Variants in NEXMIF observed in about 807,000 individuals in gnomAD.
NEXMIF encodes neurite extension and migration factor, also known as XLMR protein related to neurite extension.
A neutral mutation model predicts 62.1 loss-of-function variants in NEXMIF; 8 were observed. The ratio of observed to expected loss-of-function variants is 0.13; its 90% CI spans 0.08 to 0.23. The LOEUF is 0.23. NEXMIF is among the 10% of genes least tolerant of loss of function. The probability of loss-of-function intolerance (pLI) is 1.00; values close to 1 mark genes in which losing one functional copy is unlikely to be tolerated. For synonymous variants in NEXMIF, 404 were observed against 416.6 expected, an observed-to-expected ratio of 0.97 and a Z score of 0.37; for missense variants, 976 against 1,113.3, an observed-to-expected ratio of 0.88 and a Z score of 1.75.
intron 1 of NEXMIF, among the ~76,000 whole-genome samples, chrX:74,753,514 T>C (rs1355586008): frequency 8.9e-6 from 1 of 112,035 alleles, no homozygotes; most frequent in Non-Finnish European, 1.9e-5. Flanking sequence ...AACTTTTTGT[T>C]TGTCTTTATT....
intron 1 of NEXMIF, among the ~76,000 whole-genome samples, chrX:74,900,119 T>C (rs1438992746): frequency 9.0e-6 from 1 of 111,197 alleles, no homozygotes; most frequent in Non-Finnish European, 1.9e-5. Flanking sequence ...TAGGGAAATG[T>C]ACATCAAAAC....
At chrX:74,912,568 A>G (rs1235961857) in intron 1 of NEXMIF, among the ~76,000 whole-genome samples, 1 of 111,335 alleles carries the variant, frequency 9.0e-6, no homozygotes, top group Non-Finnish European at 1.9e-5. Flanking sequence ...CTCTGTGCCC[A>G]TATTTCTCTA....
chrX:74,745,661 T>A lies in NEXMIF; in HGVS notation c.-11A>T, dbSNP rs1000887020. On this transcript the variant is annotated 5_prime_UTR_variant, in exon 2 of 4. Transcript: ENST00000055682. ...TTGTTGGTTATCCATGAATATAACCTCTTATTGTTTCATTCCAAGTCCAAA... is the reference window on the plus strand; with the variant it reads ...TTGTTGGTTATCCATGAATATAACCACTTATTGTTTCATTCCAAGTCCAAA... The A allele has an allele frequency of 9.2e-7, 1 of 1,084,284 alleles. No homozygotes were observed. The highest frequency in any genetic ancestry group is 1.3e-6 in the Non-Finnish European group (1 of 779,679). The allele number at this position is 1,084,284 out of a possible 1,213,427, so 89.4% of individuals were successfully genotyped here. A position where few individuals can be genotyped will look rare whatever the true frequency, so the allele number is the denominator to read the frequency against.
chrX:74,739,317 T>C lies in NEXMIF; in HGVS notation c.*88A>G, dbSNP rs1217670812. On this transcript the variant is annotated 3_prime_UTR_variant, in exon 4 of 4. Transcript: ENST00000055682. ...ATTAAAGTTTGCTCCAAAGACGTAT[T>C]CCCACAATTTAAAATTCTTTTCTTT... The C allele has an allele frequency of 6.7e-6, 4 of 594,593 alleles. No individual in the cohort carries two copies. The African/African-American group carries it at 9.6e-5, about 14-fold the overall frequency. 49.0% of individuals were successfully genotyped at this position (594,593 alleles called of 1,213,427 possible).
At chrX:74,907,008 C>T (rs921330959) in intron 1 of NEXMIF, among the ~76,000 whole-genome samples, 1 of 111,476 alleles carries the variant, frequency 9.0e-6, no homozygotes, top group Non-Finnish European at 1.9e-5. Flanking sequence ...TTTTTCAGGG[C>T]ACCTTATAAT....
At chrX:74,753,715 GCA>G (rs199783383) in intron 1 of NEXMIF, among the ~76,000 whole-genome samples, 2,817 of 99,850 alleles carry the variant, frequency 0.028, 99 homozygotes, top group African/African-American at 0.094. Context: ...ACACACACAC[GCA>G]CACACACACA....
At chrX:74,862,097 T>C (rs2080559679) in intron 1 of NEXMIF, among the ~76,000 whole-genome samples, 1 of 110,891 alleles carries the variant, frequency 9.0e-6, no homozygotes. Flanking sequence ...AAGAGACCCA[T>C]CTCACGTGCA....
intron 1 of NEXMIF, among the ~76,000 whole-genome samples, chrX:74,796,256 T>TATATATATTATATATATAC (rs2080311020): frequency 8.6e-5 from 2 of 23,187 alleles, no homozygotes; most frequent in Non-Finnish European, 1.5e-4. Flanking sequence ...ACATATATAT[T>TATATATATTATATATATAC]ATATATATTA....
At chrX:74,921,137 G>A (rs1349208008) in intron 1 of NEXMIF, among the ~76,000 whole-genome samples, 1 of 111,441 alleles carries the variant, frequency 9.0e-6, no homozygotes, top group African/African-American at 3.3e-5. Flanking sequence ...AAGATGGTAG[G>A]GAAAGAAATC....
intron 1 of NEXMIF, among the ~76,000 whole-genome samples, chrX:74,878,621 C>T (rs1382688163): frequency 8.9e-6 from 1 of 112,794 alleles, no homozygotes; most frequent in Non-Finnish European, 1.9e-5. Context: ...TCTCAGACTG[C>T]AGTGCTCGCA....
intron 1 of NEXMIF, among the ~76,000 whole-genome samples, chrX:74,847,717 A>G (rs2080497106): frequency 8.9e-6 from 1 of 111,760 alleles, no homozygotes; most frequent in Non-Finnish European, 1.9e-5. Context: ...TGGCAAGGAC[A>G]TTTTCAAGTG....
At chrX:74,789,836 T>C (rs1227398984) in intron 1 of NEXMIF, among the ~76,000 whole-genome samples, 4 of 108,218 alleles carry the variant, frequency 3.7e-5, no homozygotes, top group Admixed American at 1.0e-4. Context: ...GTTTTTTCCT[T>C]GTAAATTTGT....
At chrX:74,792,921 CTT>C (rs1368650531) in intron 1 of NEXMIF, among the ~76,000 whole-genome samples, 1 of 105,897 alleles carries the variant, frequency 9.4e-6, no homozygotes, top group Admixed American at 1.0e-4. Context: ...GGTCTTGACT[CTT>C]TATCCAATTT....
intron 1 of NEXMIF, among the ~76,000 whole-genome samples, chrX:74,840,255 TG>T (rs1057366061): frequency 9.0e-6 from 1 of 111,697 alleles, no homozygotes; most frequent in African/African-American, 3.3e-5. Context: ...CACTTTTAAG[TG>T]GGGTTGTTTT....
intron 1 of NEXMIF, among the ~76,000 whole-genome samples, chrX:74,841,548 T>C (rs1426020123): frequency 8.9e-6 from 1 of 111,957 alleles, no homozygotes; most frequent in African/African-American, 3.2e-5. Context: ...GCCATCCTTG[T>C]CTTGTGCTGG....
At chrX:74,805,607 T>C (rs778633986) in intron 1 of NEXMIF, among the ~76,000 whole-genome samples, 4 of 112,061 alleles carry the variant, frequency 3.6e-5, no homozygotes, top group African/African-American at 9.7e-5. Context: ...CATGGGTTTT[T>C]CCTAGGTTTT....
chrX:74,892,595 C>T (rs1175307028), intron 1 of NEXMIF, among the ~76,000 whole-genome samples: 2 of 112,208 alleles, frequency 1.8e-5, no homozygotes, highest in African/African-American at 6.5e-5. Flanking sequence ...AATGCTGCCT[C>T]TAATTCAATT....
chrX:74,749,091 T>C (rs990311304), intron 1 of NEXMIF, among the ~76,000 whole-genome samples: 5 of 111,493 alleles, frequency 4.5e-5, no homozygotes, highest in African/African-American at 1.3e-4. Context: ...GAAAGCAAGC[T>C]ACAAACAAAT....
At chrX:74,744,897 TTC>T (rs776035242) in intron 2 of NEXMIF, among the ~76,000 whole-genome samples, 73 of 95,840 alleles carry the variant, frequency 7.6e-4, no homozygotes, top group African/African-American at 1.3e-3. Context: ...TTCTTTTCTT[TTC>T]TCTCTCTCTC....
Sources: gnomAD v4.1 joint callset for allele counts (sites outside exome capture counted in the v4.1 genomes callset) on GRCh38, gnomAD v4.1.1 for gene constraint, MANE v1.5 for transcripts, NCBI Gene and HGNC (gene_info 2026-07-23, HGNC 2026-07-21) for gene names.